The following SGCZ variants were observed in gnomAD, a reference collection of about 807,000 sequenced individuals.
SGCZ encodes the protein zeta-sarcoglycan.
In SGCZ, 40 loss-of-function variants were observed where a neutral mutation model predicts 41.3. The ratio of observed to expected loss-of-function variants is 0.97; its 90% CI spans 0.75 to 1.26. The LOEUF (loss-of-function observed/expected upper bound fraction) is 1.26, where lower values mean the gene tolerates loss of function less well. Among genes scored for constraint, SGCZ ranks in the 50% most tolerant of loss-of-function variants. The pLI is 0.00. For missense variants in SGCZ, 552 were observed against 369.8 expected, an observed-to-expected ratio of 1.49 and a Z score of -4.04; for synonymous variants, 206 against 137.5, an observed-to-expected ratio of 1.50 and a Z score of -3.49.
chr8:14,902,751 T>A (rs1179239718), intron 1 of SGCZ, among the ~76,000 whole-genome samples: 2 of 152,156 alleles, frequency 1.3e-5, no homozygotes, highest in Non-Finnish European at 2.9e-5. Context: ...TTCTTAAGCA[T>A]AGACAAATAT....
intron 1 of SGCZ, among the ~76,000 whole-genome samples, chr8:14,928,555 G>A (rs930282218): frequency 3.9e-5 from 6 of 152,154 alleles, no homozygotes; most frequent in African/African-American, 1.2e-4. Context: ...AGCTTTAAAC[G>A]TGGTGCTAAT....
At chr8:14,209,808 AT>A (rs1805740845) in intron 4 of SGCZ, among the ~76,000 whole-genome samples, 1 of 152,142 alleles carries the variant, frequency 6.6e-6, no homozygotes. Context: ...ATATTTCTGA[AT>A]TCCATATTTT....
chr8:14,626,008 C>G (rs1010818595), intron 1 of SGCZ, among the ~76,000 whole-genome samples: 1 of 152,106 alleles, frequency 6.6e-6, no homozygotes, highest in Non-Finnish European at 1.5e-5. Flanking sequence ...AAGGGGCAGT[C>G]GCATACTGTC....
intron 1 of SGCZ, among the ~76,000 whole-genome samples, chr8:15,152,274 T>C (rs941034589): frequency 1.4e-4 from 21 of 152,052 alleles, no homozygotes; most frequent in Non-Finnish European, 2.9e-5. Flanking sequence ...AGTTAAAACA[T>C]GATGAACTAA....
chr8:14,412,928 G>A (rs908327633), intron 2 of SGCZ, among the ~76,000 whole-genome samples: 1 of 151,834 alleles, frequency 6.6e-6, no homozygotes, highest in East Asian at 1.9e-4. Context: ...ATTTAAATAG[G>A]TGTATTATGT....
chr8:14,799,701 TA>T (rs899532800), intron 1 of SGCZ, among the ~76,000 whole-genome samples: 6 of 148,408 alleles, frequency 4.0e-5, no homozygotes, highest in Non-Finnish European at 5.9e-5. Flanking sequence ...TTTTTTTTTT[TA>T]AATTTAAAAA....
rs114476758 is a variant in SGCZ, at chr8:14,085,035, C to G, written c.*5408G>C. Reference sequence around the variant, plus strand: ...AAAACTTTGCTGCATTTTCTCTCCCCCAAAATATACCCCAATTAAGTTCCA... The same window carrying G: ...AAAACTTTGCTGCATTTTCTCTCCCGCAAAATATACCCCAATTAAGTTCCA... On this transcript the variant is annotated 3_prime_UTR_variant, in exon 8 of 8. Transcript: ENST00000382080. 9.9e-3 allele frequency among the ~76,000 whole-genome samples: 1,504 copies of G among 151,646 alleles called. 26 individuals carry two copies. Among genetic ancestry groups the G allele is most frequent in the African/African-American group, 0.035 (1,454 of 41,436 alleles).
At chr8:14,895,126 T>G (rs1025248497) in intron 1 of SGCZ, among the ~76,000 whole-genome samples, 1 of 152,198 alleles carries the variant, frequency 6.6e-6, no homozygotes, top group African/African-American at 2.4e-5. Context: ...AATATGTACT[T>G]GCTCTTAATT....
rs549982089 is a variant in SGCZ at position 14,727,759 on chromosome 8, G to A, written c.40-172833C>T. 3.0e-4 allele frequency among the ~76,000 whole-genome samples: 45 copies of A among 152,114 alleles called. 2 individuals carry two copies. The highest frequency in any genetic ancestry group is 1.1e-3 in the African/African-American group (45 of 41,510). On this transcript the variant is annotated intron_variant, in intron 1 of 7. Transcript: ENST00000382080. ...GATCTCCTGACCTCGTGATCCACCC[G>A]CCTCGGCCTCCCAAAGTGCTGGGCG... is the stretch of plus-strand genomic sequence containing the variant.
chr8:14,359,623 A>G (rs1251792854), intron 2 of SGCZ, among the ~76,000 whole-genome samples: 1 of 152,152 alleles, frequency 6.6e-6, no homozygotes, highest in Non-Finnish European at 1.5e-5. Context: ...TACACTCCTG[A>G]GATTAAGGCT....
At chr8:14,875,860 G>A (rs1178548254) in intron 1 of SGCZ, among the ~76,000 whole-genome samples, 1 of 152,006 alleles carries the variant, frequency 6.6e-6, no homozygotes, top group East Asian at 1.9e-4. Context: ...TGAAAAATGG[G>A]GATAACATCA....
At position 14,384,051 on chromosome 8, in the gene SGCZ, G is replaced by C. The variant is rs1804473951; in HGVS notation, c.235-59847C>G. On this transcript the variant is annotated intron_variant, in intron 2 of 7. Transcript: ENST00000382080. ...ACACATGTATACATGTGCCATATTG[G>C]TGTGCTGCACCCATTAACTCGTCAT... Among the ~76,000 whole-genome samples the C allele has an allele frequency of 1.3e-5, 2 of 151,224 alleles. 1 individual carries two copies. Among genetic ancestry groups the C allele is most frequent in the South Asian group, 4.2e-4 (2 of 4,796 alleles).
chr8:14,912,130 T>C (rs538642875), intron 1 of SGCZ, among the ~76,000 whole-genome samples: 2 of 152,106 alleles, frequency 1.3e-5, no homozygotes, highest in East Asian at 3.9e-4. Flanking sequence ...ATGTATGAAA[T>C]TGTGTTTTAA....
chr8:14,930,612 T>C (rs556442747), intron 1 of SGCZ, among the ~76,000 whole-genome samples: 2 of 151,802 alleles, frequency 1.3e-5, no homozygotes, highest in South Asian at 2.1e-4. Context: ...ATAGACCGGA[T>C]AAAGAAAATG....
chr8:15,109,943 A>T (rs1806981098), intron 1 of SGCZ, among the ~76,000 whole-genome samples: 1 of 152,218 alleles, frequency 6.6e-6, no homozygotes, highest in Non-Finnish European at 1.5e-5. Flanking sequence ...ATATACATTA[A>T]ACTTTTAATG....
intron 1 of SGCZ, among the ~76,000 whole-genome samples, chr8:14,998,683 A>G (rs907140318): frequency 6.6e-6 from 1 of 152,232 alleles, no homozygotes; most frequent in African/African-American, 2.4e-5. Context: ...GAAGTCAATT[A>G]TTCATAATTC....
intron 1 of SGCZ, among the ~76,000 whole-genome samples, chr8:14,910,259 C>A (rs943957293): frequency 6.6e-6 from 1 of 151,946 alleles, no homozygotes; most frequent in African/African-American, 2.4e-5. Context: ...AACAGTATTT[C>A]TCTAATTTAT....
chr8:14,578,941 T>C (rs561291451), intron 1 of SGCZ, among the ~76,000 whole-genome samples: 3 of 152,266 alleles, frequency 2.0e-5, no homozygotes, highest in African/African-American at 7.2e-5. Flanking sequence ...TCTTCTGTCG[T>C]TTACTTTAGG....
intron 1 of SGCZ, among the ~76,000 whole-genome samples, chr8:15,223,360 G>GA: frequency 6.6e-6 from 1 of 152,224 alleles, no homozygotes; most frequent in East Asian, 1.9e-4. Context: ...TCAAAAGTTG[G>GA]CTTCAGAAAT....
Sources: gnomAD v4.1 joint callset for allele counts (sites outside exome capture counted in the v4.1 genomes callset) on GRCh38, gnomAD v4.1.1 for gene constraint, MANE v1.5 for transcripts, NCBI Gene and HGNC (gene_info 2026-07-23, HGNC 2026-07-21) for gene names.